Variants in HS6ST3 observed in about 807,000 individuals in gnomAD.
HS6ST3 encodes the protein heparan-sulfate 6-O-sulfotransferase 3.
In HS6ST3, 12 loss-of-function variants were observed where a neutral mutation model predicts 36.7. The ratio of observed to expected loss-of-function variants is 0.33; its 90% CI spans 0.21 to 0.53. The LOEUF (loss-of-function observed/expected upper bound fraction) is 0.53. Among genes scored for constraint, HS6ST3 ranks in the 20% least tolerant of loss-of-function variants. HS6ST3 has a pLI of 0.95. For synonymous variants in HS6ST3, 240 were observed against 257.5 expected (o/e 0.93, Z 0.65); for missense variants, 584 against 640.9 (o/e 0.91, Z 0.96).
chr13:96,759,003 G>T (rs1876900419), intron 1 of HS6ST3, among the ~76,000 whole-genome samples: 1 of 151,524 alleles, frequency 6.6e-6, no homozygotes, highest in South Asian at 2.1e-4. Context: ...TATATTATCA[G>T]ATTTCACACA....
chr13:96,478,727 G>A (rs528758845), intron 1 of HS6ST3, among the ~76,000 whole-genome samples: 2 of 152,098 alleles, frequency 1.3e-5, no homozygotes, highest in Admixed American at 6.5e-5. Flanking sequence ...TTACAACTCC[G>A]TCATGCAGAT....
intron 1 of HS6ST3, among the ~76,000 whole-genome samples, chr13:96,119,003 C>T (rs1367240395): frequency 6.6e-6 from 1 of 151,886 alleles, no homozygotes; most frequent in Non-Finnish European, 1.5e-5. Flanking sequence ...AGCCACCGCG[C>T]CCGGCCACAT....
At chr13:96,427,766 C>T (rs1251729319) in intron 1 of HS6ST3, among the ~76,000 whole-genome samples, 2 of 152,122 alleles carry the variant, frequency 1.3e-5, no homozygotes, top group Admixed American at 1.3e-4. Context: ...AGGATCGAAT[C>T]CAGGATCCCA....
In HS6ST3 at chr13:96,561,878, C is replaced by T. The variant is rs537378855; in HGVS notation, c.708-270612C>T. ...CTGTTATTAAAAAGTCAAAAAATAA[C>T]AGATGCTTACAAGGCTGTGGAGAAG... is the stretch of plus-strand genomic sequence containing the variant. On this transcript the variant is annotated intron_variant, in intron 1 of 1. Coordinates refer to ENST00000376705, the MANE Select transcript of HS6ST3 (RefSeq NM_153456.4). Among the ~76,000 whole-genome samples the T allele has an allele frequency of 2.0e-5, 3 of 152,206 alleles. No homozygotes were observed. The East Asian group carries it at 5.8e-4, about 29-fold the overall frequency.
intron 1 of HS6ST3, among the ~76,000 whole-genome samples, chr13:96,241,885 A>T (rs2054562152): frequency 6.8e-6 from 1 of 147,422 alleles, no homozygotes; most frequent in Admixed American, 7.0e-5. Flanking sequence ...TCCCGGGTTC[A>T]CGCCATTCTT....
intron 1 of HS6ST3, among the ~76,000 whole-genome samples, chr13:96,471,810 T>A (rs990440160): frequency 3.3e-5 from 5 of 152,172 alleles, no homozygotes; most frequent in African/African-American, 1.2e-4. Context: ...TAGTCAGCTG[T>A]TGCTATAATG....
chr13:96,213,185 C>G (rs900876943), intron 1 of HS6ST3, among the ~76,000 whole-genome samples: 2 of 151,998 alleles, frequency 1.3e-5, no homozygotes, highest in Non-Finnish European at 2.9e-5. Context: ...ATAAGATGGC[C>G]CCAGGTTTTC....
intron 1 of HS6ST3, among the ~76,000 whole-genome samples, chr13:96,221,286 G>A (rs1282384540): frequency 6.6e-6 from 1 of 152,050 alleles, no homozygotes; most frequent in Non-Finnish European, 1.5e-5. Context: ...TCAAATTATT[G>A]GTCAAGGAAA....
intron 1 of HS6ST3, among the ~76,000 whole-genome samples, chr13:96,143,746 T>G (rs1184401996): frequency 1.3e-5 from 2 of 152,144 alleles, no homozygotes; most frequent in African/African-American, 4.8e-5. Context: ...GGTTACACAG[T>G]TTGTAGATAA....
intron 1 of HS6ST3, among the ~76,000 whole-genome samples, chr13:96,460,939 A>G (rs867587556): frequency 6.6e-6 from 1 of 152,228 alleles, no homozygotes; most frequent in Non-Finnish European, 1.5e-5. Flanking sequence ...GCAGAAATGA[A>G]AAAAGCATCG....
chr13:96,534,271 G>C (rs929332703), intron 1 of HS6ST3, among the ~76,000 whole-genome samples: 1 of 152,152 alleles, frequency 6.6e-6, no homozygotes, highest in Non-Finnish European at 1.5e-5. Context: ...TCAGTGGAAT[G>C]TTCTAATCTA....
At chr13:96,177,836 A>G (rs2139338139) in intron 1 of HS6ST3, among the ~76,000 whole-genome samples, 2 of 152,336 alleles carry the variant, frequency 1.3e-5, no homozygotes, top group Middle Eastern at 6.8e-3. Context: ...AAATCTGTAC[A>G]GTATAAGAAA....
chr13:96,834,838 G>A lies in HS6ST3; in HGVS notation c.*1640G>A, dbSNP rs1324261082. On this transcript the variant is annotated 3_prime_UTR_variant, in exon 2 of 2. Transcript: ENST00000376705. ...CACAGAGTGCTTACCTGCCCCGAGG[G>A]AAGTCCAGCAGCTCCACCAGATAGA... 6.6e-6 allele frequency: 1 copy of A among 152,592 alleles called. No individual in the cohort carries two copies. The highest frequency in any genetic ancestry group is 2.4e-5 in the African/African-American group (1 of 41,436). 9.5% of individuals were successfully genotyped at this position (152,592 alleles called of 1,614,324 possible). A position where few individuals can be genotyped will look rare whatever the true frequency, so the allele number is the denominator to read the frequency against.
intron 1 of HS6ST3, among the ~76,000 whole-genome samples, chr13:96,176,805 A>G (rs1424024630): frequency 6.6e-6 from 1 of 152,248 alleles, no homozygotes; most frequent in Non-Finnish European, 1.5e-5. Context: ...TCTGCACAGC[A>G]AAAGAAACTG....
At chr13:96,587,230 T>C (rs1209098242) in intron 1 of HS6ST3, among the ~76,000 whole-genome samples, 2 of 152,146 alleles carry the variant, frequency 1.3e-5, no homozygotes, top group Non-Finnish European at 2.9e-5. Context: ...TTAAGATGCC[T>C]CCAGCTTTAT....
chr13:96,734,778 C>G (rs1195548752), intron 1 of HS6ST3, among the ~76,000 whole-genome samples: 2 of 152,204 alleles, frequency 1.3e-5, no homozygotes, highest in Non-Finnish European at 2.9e-5. Flanking sequence ...GCAGAGTGAT[C>G]AAGTGACAGC....
intron 1 of HS6ST3, among the ~76,000 whole-genome samples, chr13:96,300,931 G>A (rs1196754704): frequency 6.6e-6 from 1 of 152,168 alleles, no homozygotes; most frequent in Non-Finnish European, 1.5e-5. Context: ...TTAGAAGGAA[G>A]ACATTGAAGT....
chr13:96,545,465 C>T (rs1356785295), intron 1 of HS6ST3, among the ~76,000 whole-genome samples: 1 of 152,146 alleles, frequency 6.6e-6, no homozygotes, highest in Non-Finnish European at 1.5e-5. Flanking sequence ...TCAAATTATA[C>T]TGAAGCCCAC....
At chr13:96,328,291 C>T (rs1379828909) in intron 1 of HS6ST3, among the ~76,000 whole-genome samples, 3 of 149,674 alleles carry the variant, frequency 2.0e-5, no homozygotes, top group Non-Finnish European at 3.0e-5. Context: ...AGTTTTTGCC[C>T]ATTCAGTATG....
Sources: gnomAD v4.1 joint callset for allele counts (sites outside exome capture counted in the v4.1 genomes callset) on GRCh38, gnomAD v4.1.1 for gene constraint, MANE v1.5 for transcripts, NCBI Gene and HGNC (gene_info 2026-07-23, HGNC 2026-07-21) for gene names.